The following UNC13C variants were observed in gnomAD, a reference collection of about 807,000 sequenced individuals.
UNC13C encodes the protein unc-13 homolog C.
UNC13C carries 174 observed loss-of-function variants against 245.4 expected under a neutral mutation model. That is an observed-to-expected ratio of 0.71 (90% confidence interval 0.63 to 0.80). The LOEUF is 0.80. Ranked by LOEUF, UNC13C falls within the 30% of genes least tolerant of loss-of-function variation. The pLI is 0.00. For synonymous variants in UNC13C, 992 were observed against 895.1 expected, an observed-to-expected ratio of 1.11 and a Z score of -1.93; for missense variants, 2,829 against 2,602.9, an observed-to-expected ratio of 1.09 and a Z score of -1.89.
the UNC13C span, among the ~76,000 whole-genome samples, chr15:53,916,627 C>T: frequency 6.6e-6 from 1 of 152,146 alleles, no homozygotes; most frequent in African/African-American, 2.4e-5. Flanking sequence ...AAAGTGTGCT[C>T]CTATTTCAGA....
downstream of UNC13C, chr15:54,629,761 G>C (rs529382602): frequency 1.4e-5 from 2 of 142,520 alleles, no homozygotes; most frequent in Non-Finnish European, 3.1e-5. Flanking sequence ...GTTAGGATTT[G>C]CATTGATCAC....
the UNC13C span, among the ~76,000 whole-genome samples, chr15:53,861,624 T>G: frequency 6.6e-6 from 1 of 152,080 alleles, no homozygotes; most frequent in South Asian, 2.1e-4. Flanking sequence ...CCTATAGAGG[T>G]GCAAACACAT....
chr15:54,191,056 A>G (rs909078059), intron 4 of UNC13C, among the ~76,000 whole-genome samples: 5 of 152,006 alleles, frequency 3.3e-5, no homozygotes. Context: ...CTTTTTAAGC[A>G]TTTTTAAATT....
intron 10 of UNC13C, among the ~76,000 whole-genome samples, chr15:54,278,306 C>T (rs982533602): frequency 2.0e-5 from 3 of 152,100 alleles, no homozygotes; most frequent in African/African-American, 7.2e-5. Flanking sequence ...TTCTTTACTG[C>T]TCCCTACTTT....
At chr15:54,335,653 C>T (rs2038554743) in intron 16 of UNC13C, among the ~76,000 whole-genome samples, 2 of 152,114 alleles carry the variant, frequency 1.3e-5, no homozygotes, top group African/African-American at 4.8e-5. Flanking sequence ...CACGATGTAG[C>T]ATAACACAAT....
chr15:54,196,380 A>G (rs887997592), intron 4 of UNC13C, among the ~76,000 whole-genome samples: 1 of 151,978 alleles, frequency 6.6e-6, no homozygotes, highest in Non-Finnish European at 1.5e-5. Context: ...CAGAAATGAG[A>G]CTTTATAGTA....
chr15:54,402,160 T>C (rs1282764562), intron 18 of UNC13C, among the ~76,000 whole-genome samples: 1 of 151,834 alleles, frequency 6.6e-6, no homozygotes, highest in Non-Finnish European at 1.5e-5. Flanking sequence ...CTGCAGTTCA[T>C]AGTGGGCAGA....
rs115593718 is a variant in UNC13C at position 54,336,401 on chromosome 15, G to A, written c.4585-1960G>A. 5.6e-3 allele frequency among the ~76,000 whole-genome samples: 857 copies of A among 151,896 alleles called. 9 individuals are homozygous for A. The highest frequency in any genetic ancestry group is 0.02 in the African/African-American group (830 of 41,492). ...CAATTTTTTGTCAGATATGTGATTTGCTATTATTTTTGCCTTGTTTGTGCC... is the reference window on the plus strand; with the variant it reads ...CAATTTTTTGTCAGATATGTGATTTACTATTATTTTTGCCTTGTTTGTGCC... On this transcript the variant is annotated intron_variant, in intron 16 of 32. Transcript: ENST00000260323.
At chr15:54,320,146 T>G (rs567483161) in intron 13 of UNC13C, among the ~76,000 whole-genome samples, 61 of 152,076 alleles carry the variant, frequency 4.0e-4, no homozygotes, top group Non-Finnish European at 7.4e-4. Context: ...ATTAATTCAA[T>G]GTATATTGAG....
At chr15:54,220,953 C>G (rs574479073) in intron 4 of UNC13C, among the ~76,000 whole-genome samples, 2 of 152,110 alleles carry the variant, frequency 1.3e-5, no homozygotes, top group South Asian at 2.1e-4. Context: ...TTATGTAATA[C>G]TAAACCACAG....
At chr15:54,376,645 C>T (rs1258941383) in intron 17 of UNC13C, among the ~76,000 whole-genome samples, 1 of 152,054 alleles carries the variant, frequency 6.6e-6, no homozygotes, top group Non-Finnish European at 1.5e-5. Flanking sequence ...GATGTGATCC[C>T]AGGAAAGAGA....
intron 4 of UNC13C, among the ~76,000 whole-genome samples, chr15:54,174,898 A>C (rs13379793): frequency 0.11 from 16,832 of 152,232 alleles, 1,610 homozygotes; most frequent in African/African-American, 0.25. Flanking sequence ...CAAAGTTCAC[A>C]ATCTTTGAAT....
intron 30 of UNC13C, among the ~76,000 whole-genome samples, chr15:54,589,554 C>T (rs1019199643): frequency 3.9e-5 from 6 of 152,102 alleles, no homozygotes; most frequent in African/African-American, 1.4e-4. Flanking sequence ...GCCTCAGCCT[C>T]CCAAAGTGCT....
At chr15:54,207,924 A>G (rs1235776213) in intron 4 of UNC13C, among the ~76,000 whole-genome samples, 6 of 152,116 alleles carry the variant, frequency 3.9e-5, no homozygotes, top group African/African-American at 9.7e-5. Flanking sequence ...ATTTCATAAG[A>G]TTTATTGTAT....
chr15:54,404,594 T>G (rs1030094237), intron 18 of UNC13C, among the ~76,000 whole-genome samples: 1 of 152,090 alleles, frequency 6.6e-6, no homozygotes, highest in Non-Finnish European at 1.5e-5. Flanking sequence ...AGAATTTAAT[T>G]TGTGCACAAG....
chr15:54,520,864 G>A, intron 24 of UNC13C, among the ~76,000 whole-genome samples: 1 of 152,196 alleles, frequency 6.6e-6, no homozygotes, highest in East Asian at 1.9e-4. Flanking sequence ...GAGTCAACAA[G>A]TCTGACACTG....
intron 30 of UNC13C, among the ~76,000 whole-genome samples, chr15:54,614,551 T>C (rs1424842006): frequency 6.6e-6 from 1 of 152,014 alleles, no homozygotes; most frequent in African/African-American, 2.4e-5. Flanking sequence ...TTGGCTGAAA[T>C]ATGTATTAAT....
At chr15:53,966,388 T>G in the UNC13C span, among the ~76,000 whole-genome samples, 1 of 152,204 alleles carries the variant, frequency 6.6e-6, no homozygotes, top group South Asian at 2.1e-4. Context: ...CCATTTGTTT[T>G]GATTACCTGA....
intron 30 of UNC13C, among the ~76,000 whole-genome samples, chr15:54,613,105 AATAG>A (rs977672879): frequency 2.0e-5 from 3 of 152,022 alleles, no homozygotes; most frequent in South Asian, 2.1e-4. Context: ...AGAAAGCATA[AATAG>A]ATCTATATAA....
Sources: allele counts gnomAD v4.1 joint callset (sites outside exome capture counted in the v4.1 genomes callset), GRCh38; gene constraint gnomAD v4.1.1; transcripts MANE v1.5; gene names NCBI Gene and HGNC (gene_info 2026-07-23, HGNC 2026-07-21).